The following BRCA1 variants were observed in gnomAD, a reference collection of about 807,000 sequenced individuals.
The protein encoded by BRCA1 is BRCA1 DNA repair associated, also known as breast cancer type 1 susceptibility protein.
A neutral mutation model predicts 173.7 loss-of-function variants in BRCA1; 140 were observed. The observed-to-expected ratio is 0.81, with a 90% CI of 0.70 to 0.93. BRCA1 has a LOEUF of 0.93. Among genes scored for constraint, BRCA1 ranks in the 40% least tolerant of loss-of-function variants. The pLI is 0.00. For synonymous variants in BRCA1, 662 were observed against 756.0 expected, an observed-to-expected ratio of 0.88 and a Z score of 2.04; for missense variants, 1,983 against 2,172.5, an observed-to-expected ratio of 0.91 and a Z score of 1.73.
chr17:43,099,549 GT>G (rs1245729979), intron 7 of BRCA1, among the ~76,000 whole-genome samples: 1 of 152,118 alleles, frequency 6.6e-6, no homozygotes, highest in African/African-American at 2.4e-5. Context: ...GGGATTACAG[GT>G]GTGAGCCACC....
chr17:43,070,530 G>A (rs2052335602), intron 15 of BRCA1, among the ~76,000 whole-genome samples: 1 of 152,148 alleles, frequency 6.6e-6, no homozygotes, highest in Non-Finnish European at 1.5e-5. Flanking sequence ...CAGTACATTT[G>A]GAACCAGTCT....
intron 12 of BRCA1, among the ~76,000 whole-genome samples, chr17:43,080,562 T>C (rs548181949): frequency 6.6e-6 from 1 of 151,984 alleles, no homozygotes; most frequent in South Asian, 2.1e-4. Flanking sequence ...CCCAGCACTT[T>C]GGGAGGCTGA....
chr17:43,058,216 C>G (rs576188703), intron 18 of BRCA1, among the ~76,000 whole-genome samples: 1 of 151,550 alleles, frequency 6.6e-6, no homozygotes, highest in African/African-American at 2.4e-5. Flanking sequence ...AAAAAAGATA[C>G]ATAAAACCTC....
chr17:43,120,088 C>T (rs934917259), intron 2 of BRCA1, among the ~76,000 whole-genome samples: 3 of 152,140 alleles, frequency 2.0e-5, no homozygotes, highest in African/African-American at 7.2e-5. Flanking sequence ...GCTTCCAATA[C>T]GGATAAGTGA....
At chr17:43,079,602 A>G (rs2052908584) in intron 12 of BRCA1, 5 of 847,096 alleles carry the variant, frequency 5.9e-6, no homozygotes, top group Non-Finnish European at 1.0e-5. Context: ...TCTAAGAGCC[A>G]AGACAGCTTC....
rs6416927 is a variant in BRCA1, at chr17:43,080,327, G to C, written c.4357+2077C>G. On this transcript the variant is annotated intron_variant, in intron 12 of 22. Coordinates refer to ENST00000357654, the MANE Select transcript of BRCA1 (RefSeq NM_007294.4). Reference sequence around the variant, plus strand: ...GCCAGGCACCGTAGCTCCCAAGTAGGTGGGATTACAGGCATGTGCCACCAC... The same window carrying C: ...GCCAGGCACCGTAGCTCCCAAGTAGCTGGGATTACAGGCATGTGCCACCAC... 1 allele frequency among the ~76,000 whole-genome samples: 151,573 copies of C among 152,326 alleles called. 75,441 individuals are homozygous for C. Among genetic ancestry groups the C allele is most frequent in the African/African-American group, 1 (41,569 of 41,574 alleles).
chr17:43,102,658 T>TC (rs1288595973), intron 6 of BRCA1, among the ~76,000 whole-genome samples: 1 of 150,892 alleles, frequency 6.6e-6, no homozygotes, highest in Non-Finnish European at 1.5e-5. Flanking sequence ...CCCAGCCAGT[T>TC]CTTTTTTTTT....
intron 1 of BRCA1, among the ~76,000 whole-genome samples, chr17:43,152,897 T>C (rs1329455735): frequency 6.6e-6 from 1 of 151,760 alleles, no homozygotes; most frequent in African/African-American, 2.4e-5. Flanking sequence ...AAGCTGGGCA[T>C]AGCAGTGGGT....
chr17:43,077,987 G>A (rs1480759466), intron 12 of BRCA1, among the ~76,000 whole-genome samples: 3 of 151,918 alleles, frequency 2.0e-5, no homozygotes, highest in Non-Finnish European at 2.9e-5. Context: ...TGCCTGCCTC[G>A]GCCTCCCAAA....
intron 1 of BRCA1, among the ~76,000 whole-genome samples, chr17:43,154,218 G>C (rs966291151): frequency 6.6e-6 from 1 of 150,940 alleles, no homozygotes; most frequent in African/African-American, 2.4e-5. Flanking sequence ...AGGCACGGGG[G>C]CTCACGCTTG....
intron 1 of BRCA1, chr17:43,131,318 T>C: frequency 2.1e-6 from 1 of 476,148 alleles, no homozygotes; most frequent in Non-Finnish European, 4.1e-6. Flanking sequence ...AATAGGGATC[T>C]TATTTCTCCA....
At chr17:43,109,358 G>A (rs2054938423) in intron 3 of BRCA1, among the ~76,000 whole-genome samples, 1 of 152,052 alleles carries the variant, frequency 6.6e-6, no homozygotes, top group African/African-American at 2.4e-5. Flanking sequence ...AGCAATGAAG[G>A]TTATATTGGA....
At chr17:43,146,688 A>G (rs555260701) in intron 1 of BRCA1, among the ~76,000 whole-genome samples, 19 of 152,102 alleles carry the variant, frequency 1.2e-4, no homozygotes, top group African/African-American at 4.3e-4. Flanking sequence ...CTCAATTATG[A>G]AAGAAAAAAA....
At chr17:43,047,951 T>C (rs1478240288) in intron 21 of BRCA1, among the ~76,000 whole-genome samples, 1 of 152,134 alleles carries the variant, frequency 6.6e-6, no homozygotes, top group Non-Finnish European at 1.5e-5. Flanking sequence ...TTTTTGTATT[T>C]TTGGTAGAGA....
Position 43,092,540 on chromosome 17 carries a change from A to C in BRCA1, c.2991T>G (p.Asn997Lys). Residue 997 changes from asparagine (N) to lysine (K), a missense_variant, in exon 10 of 23, where the codon AAT (asparagine) becomes AAG (lysine). Physicochemically the swap from Asn to Lys is moderately conservative, Grantham distance 94. Transcript: ENST00000357654. ...GTTCCTCAAAGTTTTCCTCTAGCAG[A>C]TTTTTCTTACATTTAGTTTTAACAA... ...KSFVKTKCKK[N>K]LLEENFEEHS... 6.2e-7 allele frequency: 1 copy of C among 1,613,914 alleles called. No homozygotes were observed. Among genetic ancestry groups the C allele is most frequent in the Non-Finnish European group, 8.5e-7 (1 of 1,179,974 alleles).
chr17:43,090,473 A>G lies in BRCA1; in HGVS notation c.4185+471T>C, dbSNP rs1216090658. 2.0e-5 allele frequency among the ~76,000 whole-genome samples: 3 copies of G among 152,338 alleles called. No individual in the cohort carries two copies. In the East Asian group the frequency reaches 5.8e-4, roughly 29 times the overall value. ...AGTGCAACCTCCGCCTCCCAGGTTCAGGCGATTCTCCTGTCTCAGCCTCCA... is the reference window on the plus strand; with the variant it reads ...AGTGCAACCTCCGCCTCCCAGGTTCGGGCGATTCTCCTGTCTCAGCCTCCA... On this transcript the variant is annotated intron_variant, in intron 11 of 22. Coordinates refer to ENST00000357654, the MANE Select transcript of BRCA1 (RefSeq NM_007294.4).
In BRCA1 at chr17:43,093,772, T is replaced by C. The variant is rs1597874361; in HGVS notation, c.1759A>G (p.Ile587Val). 7 of 1,613,946 alleles carry C rather than the reference T, an allele frequency of 4.3e-6. No homozygotes were observed. The highest frequency in any genetic ancestry group is 1.1e-5 in the South Asian group (1 of 91,046). ...ESAFKTKAEP[I>V]SSSISNMELE... ...TCCATATTGCTTATACTGCTGCTTATAGGTTCAGCTTTCGTTTTGAAAGCA... is the reference window on the plus strand; with the variant it reads ...TCCATATTGCTTATACTGCTGCTTACAGGTTCAGCTTTCGTTTTGAAAGCA... Residue 587 changes from isoleucine (I) to valine (V), a missense_variant, in exon 10 of 23, where the codon ATA becomes GTA. Transcript: ENST00000357654.
upstream of BRCA1, chr17:43,125,744 C>T (rs2055852684): frequency 1.2e-5 from 2 of 160,012 alleles, no homozygotes; most frequent in Non-Finnish European, 2.8e-5. Flanking sequence ...CCCACTCTTT[C>T]CGCCCTAATG....
intron 1 of BRCA1, chr17:43,145,041 C>T (rs2056109980): frequency 2.5e-6 from 2 of 791,990 alleles, no homozygotes; most frequent in African/African-American, 3.4e-5. Flanking sequence ...GCTAAACCTC[C>T]TGCAAAAGTG....
Sources: gnomAD v4.1 joint callset for allele counts (sites outside exome capture counted in the v4.1 genomes callset) on GRCh38, gnomAD v4.1.1 for gene constraint, MANE v1.5 for transcripts, NCBI Gene and HGNC (gene_info 2026-07-23, HGNC 2026-07-21) for gene names.